Variants in CLIP1 observed in about 807,000 individuals in gnomAD.
The protein encoded by CLIP1 is CAP-Gly domain-containing linker protein 1.
A neutral mutation model predicts 161.6 loss-of-function variants in CLIP1; 66 were observed. The ratio of observed to expected loss-of-function variants is 0.41; its 90% confidence interval spans 0.33 to 0.50. The LOEUF (loss-of-function observed/expected upper bound fraction) is 0.50. Ranked by LOEUF, CLIP1 falls within the 20% of genes least tolerant of loss-of-function variation. CLIP1 has a pLI of 0.27. For synonymous variants in CLIP1, 598 were observed against 626.2 expected (o/e 0.96, Z 0.67); for missense variants, 1,376 against 1,702.0 (o/e 0.81, Z 3.37).
chr12:122,282,035 A>G (rs765074692), intron 21 of CLIP1, among the ~76,000 whole-genome samples: 1 of 152,124 alleles, frequency 6.6e-6, no homozygotes, highest in Non-Finnish European at 1.5e-5. Flanking sequence ...TCTGCTCATC[A>G]TCACACACAC....
chr12:122,383,758 T>C (rs1955116227), intron 1 of CLIP1, among the ~76,000 whole-genome samples: 1 of 151,982 alleles, frequency 6.6e-6, no homozygotes, highest in African/African-American at 2.4e-5. Flanking sequence ...CAACATGCAG[T>C]GATCAAGAGG....
rs981382471 is a variant in CLIP1, at chr12:122,378,102, C to G, written c.86-142G>C. ...GTGTTTTAAAGTGTGGTTTTTTGTT[C>G]TTTTGAGACAGTCTCGCTCTGTCGC... On this transcript the variant is annotated intron_variant, in intron 2 of 25. Transcript: ENST00000620786. 3 of 724,862 alleles carry G rather than the reference C, an allele frequency of 4.1e-6. No homozygotes were observed. The African/African-American group carries it at 5.4e-5, about 13-fold the overall frequency. The allele number at this position is 724,862 out of a possible 1,614,324, so 44.9% of individuals were successfully genotyped here.
Position 122,377,597 on chromosome 12 carries a change from C to A in CLIP1, c.449G>T (p.Cys150Phe), listed in dbSNP as rs1954807754. 6.2e-7 allele frequency: 1 copy of A among 1,613,888 alleles called. No homozygotes were observed. The highest frequency in any genetic ancestry group is 8.5e-7 in the Non-Finnish European group (1 of 1,180,006). Residue 150 changes from cysteine to phenylalanine, a missense_variant, in exon 3 of 26, where the codon TGC becomes TTC. Cys to Phe is a radical substitution (Grantham distance 205). Transcript: ENST00000620786. The part of the protein sequence containing the change: ...TPASRATSPL[C>F]TSTASMVSSS... ...AGACACCATGCTGGCCGTAGAAGTG[C>A]ACAGCGGTGAAGTAGCTCGGGAGGC... is the stretch of plus-strand genomic sequence containing the variant.
intron 18 of CLIP1, among the ~76,000 whole-genome samples, chr12:122,318,012 A>G (rs1951336550): frequency 6.6e-6 from 1 of 152,204 alleles, no homozygotes; most frequent in Non-Finnish European, 1.5e-5. Flanking sequence ...ATGCTTTTAT[A>G]CTTTTAGTTT....
At chr12:122,414,111 T>G (rs1051989565) in intron 1 of CLIP1, among the ~76,000 whole-genome samples, 1 of 152,138 alleles carries the variant, frequency 6.6e-6, no homozygotes, top group Non-Finnish European at 1.5e-5. Context: ...CTTTAATATG[T>G]GTACTTTGGT....
chr12:122,311,169 A>G lies in CLIP1; in HGVS notation c.3474-1287T>C, dbSNP rs894767379. ...GTGAAAGTTCATCTGTCCAAAGTCC[A>G]TCAATCTTTGACAAATCAAATTTCC... On this transcript the variant is annotated intron_variant, in intron 19 of 25. Transcript: ENST00000620786. The surrounding 1 kb of genome is among the most constrained non-coding windows in gnomAD (Gnocchi z 4.3). 2.0e-5 allele frequency among the ~76,000 whole-genome samples: 3 copies of G among 152,122 alleles called. No homozygotes were observed. Among genetic ancestry groups the G allele is most frequent in the Admixed American group, 2.0e-4 (3 of 15,272 alleles).
In CLIP1 at chr12:122,274,106, C is replaced by G. The variant is rs1357292778; in HGVS notation, c.4023G>C (p.Lys1341Asn). Reference sequence around the variant, plus strand: ...CTTCTGACATCATCTCCACCTTCATCTTGAGGTCTTGATTCTTCCTTTGAA... The same window carrying G: ...CTTCTGACATCATCTCCACCTTCATGTTGAGGTCTTGATTCTTCCTTTGAA... Reference protein sequence around the residue: ...VDLQRKNQDLKMKVEMMSEAA... With the variant: ...VDLQRKNQDLNMKVEMMSEAA... The change falls in exon 25 of 26, where the codon AAG becomes AAC. Residue 1341 changes from lysine (K) to asparagine (N), a missense_variant. Coordinates refer to ENST00000620786, the MANE Select transcript of CLIP1 (RefSeq NM_001247997.2). 1 of 1,611,638 alleles carries G rather than the reference C, an allele frequency of 6.2e-7. No individual in the cohort carries two copies. Among genetic ancestry groups the G allele is most frequent in the East Asian group, 2.2e-5 (1 of 44,882 alleles).
At chr12:122,298,597 A>C (rs898847454) in intron 20 of CLIP1, among the ~76,000 whole-genome samples, 1 of 121,744 alleles carries the variant, frequency 8.2e-6, no homozygotes, top group African/African-American at 3.9e-5. Context: ...ACTCTGTCTC[A>C]AAAAAAAAAA....
At position 122,354,473 on chromosome 12, in the gene CLIP1, G is replaced by A; in HGVS notation, c.1287C>T (p.Asn429=). 6 of 1,613,628 alleles carry A rather than the reference G, an allele frequency of 3.7e-6. No homozygotes were observed. Among genetic ancestry groups the A allele is most frequent in the Non-Finnish European group, 5.1e-6 (6 of 1,179,728 alleles). ...GTCACCTTTTCTCCTCTTCAAGCTGGTTGAGAAGCTCCACCTTCTCCCTGT... is the reference window on the plus strand; with the variant it reads ...GTCACCTTTTCTCCTCTTCAAGCTGATTGAGAAGCTCCACCTTCTCCCTGT... ...AADREKVELL[N]QLEEEKRKVE... The change falls in exon 7 of 26, where the codon AAC becomes AAT. Residue 429 remains asparagine (N), a synonymous_variant. Coordinates refer to ENST00000620786, the MANE Select transcript of CLIP1 (RefSeq NM_001247997.2).
At chr12:122,316,886 A>T (rs758393760) in intron 18 of CLIP1, 31 bp from the exon 19 acceptor site, 8 of 1,277,616 alleles carry the variant, frequency 6.3e-6, no homozygotes, top group Non-Finnish European at 8.7e-6. Flanking sequence ...AACTTGATGA[A>T]ATTATTTCAT....
rs113784516 is a variant in CLIP1 at position 122,377,495 on chromosome 12, G to C, written c.551C>G (p.Pro184Arg). The C allele has an allele frequency of 6.2e-7, 1 of 1,613,964 alleles. No individual in the cohort carries two copies. The highest frequency in any genetic ancestry group is 8.5e-7 in the Non-Finnish European group (1 of 1,180,028). Residue 184 changes from proline (P) to arginine (R), a missense_variant, in exon 3 of 26, where the codon CCG (proline) becomes CGG (arginine). Pro to Arg is a moderately radical substitution (Grantham distance 103). Transcript: ENST00000620786. ...PAAKEPSATP[P>R]ISNLTKTASE... ...GGCAGTTTTTGTAAGGTTGCTGATC[G>C]GAGGCGTAGCTGAAGGTTCCTTTGC...
intron 3 of CLIP1, among the ~76,000 whole-genome samples, chr12:122,369,695 C>T (rs561978168): frequency 1.3e-5 from 2 of 151,660 alleles, no homozygotes; most frequent in East Asian, 1.9e-4. Context: ...AAAAATAAAA[C>T]AGGGTAGTGT....
chr12:122,298,213 G>A (rs979425997), intron 20 of CLIP1, among the ~76,000 whole-genome samples: 1 of 152,068 alleles, frequency 6.6e-6, no homozygotes, highest in African/African-American at 2.4e-5. Context: ...GCAACAGTAC[G>A]CATTATGCTA....
chr12:122,286,058 GT>G (rs1438840415), intron 21 of CLIP1, among the ~76,000 whole-genome samples: 1 of 151,984 alleles, frequency 6.6e-6, no homozygotes, highest in Non-Finnish European at 1.5e-5. Flanking sequence ...TTTAGTTTTA[GT>G]TTTGTTTCTA....
intron 10 of CLIP1, chr12:122,342,883 AATTTT>A (rs1952570522): frequency 6.6e-6 from 1 of 151,446 alleles, no homozygotes; most frequent in African/African-American, 2.4e-5. Flanking sequence ...ATATCTTAAT[AATTTT>A]ATTTTGATTA....
rs1445407217 is a variant in CLIP1 at position 122,278,141 on chromosome 12, G to A, written c.3966+13C>T. On this transcript the variant is annotated intron_variant, in intron 24 of 25. Coordinates refer to ENST00000620786, the MANE Select transcript of CLIP1 (RefSeq NM_001247997.2). ...AACAGCAAGAAAGTAAAGCAATAAG[G>A]CAGGAACATTACCTGACTCTCCTGG... 6.2e-7 allele frequency: 1 copy of A among 1,605,340 alleles called. No individual in the cohort carries two copies. The highest frequency in any genetic ancestry group is 8.5e-7 in the Non-Finnish European group (1 of 1,176,900).
At chr12:122,273,984 C>T (rs1188902974) in intron 25 of CLIP1, 54 bp downstream of exon 25, 14 of 1,559,744 alleles carry the variant, frequency 9.0e-6, no homozygotes, top group East Asian at 2.3e-5. Context: ...CCGCCCGCCT[C>T]GGCCTCCCAA....
rs192524020 is a variant in CLIP1 at position 122,372,461 on chromosome 12, A to G, written c.657+4928T>C. 4.0e-5 allele frequency among the ~76,000 whole-genome samples: 6 copies of G among 151,862 alleles called. No homozygotes were observed. The East Asian group carries it at 1.2e-3, about 29-fold the overall frequency. On this transcript the variant is annotated intron_variant, in intron 3 of 25. Transcript: ENST00000620786. ...GTCGGGTGTGGTGGTGGGTGCCTGT[A>G]ATCCCAGCTACGCTACTTGGGAAGC...
chr12:122,301,784 T>C (rs1450216617), intron 20 of CLIP1, among the ~76,000 whole-genome samples: 8 of 152,234 alleles, frequency 5.3e-5, no homozygotes, highest in Admixed American at 5.2e-4. Flanking sequence ...TTGTGTCCGC[T>C]TCTCTTTTGC....
Sources: allele counts gnomAD v4.1 joint callset (sites outside exome capture counted in the v4.1 genomes callset), GRCh38; gene constraint gnomAD v4.1.1; non-coding constraint Gnocchi (gnomAD v3.1); transcripts MANE v1.5; gene names NCBI Gene and HGNC (gene_info 2026-07-23, HGNC 2026-07-21).